Variants in DISC1 observed in about 807,000 individuals in gnomAD.
DISC1 encodes the protein DISC1 scaffold protein.
A neutral mutation model predicts 84.5 loss-of-function variants in DISC1; 57 were observed. The ratio of observed to expected loss-of-function variants is 0.67; its 90% CI spans 0.55 to 0.84. The LOEUF is 0.84. DISC1 is among the 40% of genes least tolerant of loss of function. DISC1 has a pLI of 0.00. For missense variants in DISC1, 1,000 were observed against 1,057.8 expected (o/e 0.95, Z 0.76); for synonymous variants, 411 against 415.2 (o/e 0.99, Z 0.12).
In DISC1 at chr1:232,012,044, G is replaced by A. The variant is rs189769046; in HGVS notation, c.2307+2995G>A. On this transcript the variant is annotated intron_variant, in intron 11 of 12. Transcript: ENST00000439617. ...AGATTTAAATAAAAGGATGCATCAC[G>A]AAGTGAGAGACGCATACCTAGTAGA... Among the ~76,000 whole-genome samples the A allele has an allele frequency of 2.0e-3, 299 of 152,306 alleles. 1 individual carries two copies. The highest frequency in any genetic ancestry group is 2.4e-3 in the Non-Finnish European group (163 of 68,032).
intron 6 of DISC1, among the ~76,000 whole-genome samples, chr1:231,785,451 T>TGTA (rs2077777467): frequency 6.6e-6 from 1 of 151,576 alleles, no homozygotes; most frequent in African/African-American, 2.4e-5. Flanking sequence ...GGCTAATTTT[T>TGTA]GTATTATTAT....
At chr1:231,890,525 T>C (rs1199206907) in intron 9 of DISC1, among the ~76,000 whole-genome samples, 1 of 152,188 alleles carries the variant, frequency 6.6e-6, no homozygotes, top group Non-Finnish European at 1.5e-5. Context: ...AATAGTCAAA[T>C]ACATAGAAAC....
chr1:231,861,400 G>A lies in DISC1; in HGVS notation c.1981+42883G>A, dbSNP rs892589448. ...CCCCACCTTGGCCTCCCAACGTGCT[G>A]AGATTACAGGAGTGAGCCACCGCAC... is the stretch of plus-strand genomic sequence containing the variant. On this transcript the variant is annotated intron_variant, in intron 9 of 12. Transcript: ENST00000439617. Among the ~76,000 whole-genome samples the A allele has an allele frequency of 3.3e-5, 5 of 150,256 alleles. 1 individual carries two copies. The highest frequency in any genetic ancestry group is 1.2e-4 in the African/African-American group (5 of 40,846).
chr1:231,792,154 G>A (rs2078399347), intron 6 of DISC1, among the ~76,000 whole-genome samples: 1 of 152,252 alleles, frequency 6.6e-6, no homozygotes, highest in East Asian at 1.9e-4. Context: ...AATTGGGAAG[G>A]CAAATCTGTT....
chr1:231,998,196 A>G (rs909260910), intron 10 of DISC1, among the ~76,000 whole-genome samples: 25 of 152,242 alleles, frequency 1.6e-4, no homozygotes, highest in African/African-American at 5.5e-4. Context: ...AGAAATTCTC[A>G]GAGGACACCA....
intron 10 of DISC1, among the ~76,000 whole-genome samples, chr1:232,006,155 G>A (rs202087606): frequency 6.6e-6 from 1 of 152,042 alleles, no homozygotes; most frequent in Non-Finnish European, 1.5e-5. Context: ...TTTACATTGC[G>A]TGCTGGGCAT....
At position 231,661,706 on chromosome 1, in the gene DISC1, T is replaced by C. The variant is rs562182994; in HGVS notation, c.68-32120T>C. 1.5e-3 allele frequency among the ~76,000 whole-genome samples: 225 copies of C among 152,332 alleles called. 1 individual carries two copies. Among genetic ancestry groups the C allele is most frequent in the Non-Finnish European group, 2.3e-3 (159 of 68,014 alleles). The stretch of plus-strand genomic sequence containing the variant: ...GTTACAACATGCTCCTTTTACTCAG[T>C]GAAGTTTGTTATTACCCACCTTCTG... On this transcript the variant is annotated intron_variant, in intron 1 of 12. Transcript: ENST00000439617.
chr1:231,722,522 C>G (rs1347438539), intron 3 of DISC1: 1 of 1,614,118 alleles, frequency 6.2e-7, no homozygotes, highest in Non-Finnish European at 8.5e-7. Flanking sequence ...CAGAGGTATT[C>G]ATTTTCTTCT....
rs564555956 is a variant in DISC1, at chr1:231,649,282, A to T, written c.67+22348A>T. Among the ~76,000 whole-genome samples, 44 of 152,312 alleles carry T rather than the reference A, an allele frequency of 2.9e-4. No individual in the cohort carries two copies. In the South Asian group the frequency reaches 3.5e-3, roughly 12 times the overall value. On this transcript the variant is annotated intron_variant, in intron 1 of 12. Coordinates refer to ENST00000439617, the MANE Select transcript of DISC1 (RefSeq NM_018662.3). Reference sequence around the variant, plus strand: ...TCTTTGTTCGCATTAGTTTCGAAGAACACCTTTATTTCTGCCTTCATTTTG... The same window carrying T: ...TCTTTGTTCGCATTAGTTTCGAAGATCACCTTTATTTCTGCCTTCATTTTG...
Position 232,008,916 on chromosome 1 carries a change from TAGAG to T in DISC1, c.2175_2178del (p.Gly727LeufsTer19), listed in dbSNP as rs1344073712. The T allele has an allele frequency of 6.2e-6, 10 of 1,613,728 alleles. No homozygotes were observed. Among genetic ancestry groups the T allele is most frequent in the Non-Finnish European group, 8.5e-6 (10 of 1,179,806 alleles). ...GAAGATGAGAGGCAGATGGATGACTTAGAGGGAGCTGCTCCTCCTATTCCCCCCA... is the reference window on the plus strand; with the variant it reads ...GAAGATGAGAGGCAGATGGATGACTTGGAGCTGCTCCTCCTATTCCCCCCA... On this transcript the variant is annotated frameshift_variant, in exon 11 of 13. Coordinates refer to ENST00000439617, the MANE Select transcript of DISC1 (RefSeq NM_018662.3). LOFTEE classifies it high-confidence loss of function.
At chr1:231,839,036 T>C (rs1436797709) in intron 9 of DISC1, among the ~76,000 whole-genome samples, 1 of 151,980 alleles carries the variant, frequency 6.6e-6, no homozygotes, top group Non-Finnish European at 1.5e-5. Flanking sequence ...CAATAAACAA[T>C]AGGTATCAAG....
At chr1:231,742,086 A>G (rs1016984463) in intron 3 of DISC1, among the ~76,000 whole-genome samples, 4 of 152,176 alleles carry the variant, frequency 2.6e-5, no homozygotes, top group Admixed American at 2.0e-4. Flanking sequence ...ACAATGGCCT[A>G]TGTGGCTCTG....
chr1:231,658,080 A>G (rs1307222366), intron 1 of DISC1, among the ~76,000 whole-genome samples: 1 of 152,092 alleles, frequency 6.6e-6, no homozygotes, highest in Non-Finnish European at 1.5e-5. Context: ...CAGTATGGCT[A>G]TTTTCATGAT....
chr1:231,724,682 C>A (rs113215212), intron 3 of DISC1, among the ~76,000 whole-genome samples: 268 of 152,266 alleles, frequency 1.8e-3, no homozygotes, highest in African/African-American at 6.3e-3. Context: ...CAATAGGAGA[C>A]CTGGCTTCAG....
chr1:231,809,524 G>GA (rs10692560), intron 8 of DISC1, among the ~76,000 whole-genome samples: 14,307 of 123,638 alleles, frequency 0.12, 1,089 homozygotes, highest in East Asian at 0.41. Context: ...TTTTTTTTTT[G>GA]AAAAAAAAAA....
chr1:231,948,461 G>C (rs1043382991), intron 9 of DISC1, among the ~76,000 whole-genome samples: 1 of 152,110 alleles, frequency 6.6e-6, no homozygotes, highest in Non-Finnish European at 1.5e-5. Context: ...GTCGGGTGGT[G>C]GGGGGCTCGG....
intron 12 of DISC1, among the ~76,000 whole-genome samples, chr1:232,029,135 T>C (rs1186783485): frequency 2.0e-5 from 3 of 152,234 alleles, no homozygotes; most frequent in Non-Finnish European, 4.4e-5. Flanking sequence ...TGTTATGTTT[T>C]TTGAGAATTT....
At chr1:231,749,232 G>A (rs74924025) in intron 3 of DISC1, among the ~76,000 whole-genome samples, 1 of 151,964 alleles carries the variant, frequency 6.6e-6, no homozygotes, top group Non-Finnish European at 1.5e-5. Context: ...CTTTTTTTTG[G>A]TGGGGGTAGG....
At chr1:231,696,334 C>T (rs1013078988) in intron 2 of DISC1, among the ~76,000 whole-genome samples, 1 of 152,236 alleles carries the variant, frequency 6.6e-6, no homozygotes, top group East Asian at 1.9e-4. Context: ...GTGCTTCAGA[C>T]AGGGCCTGGC....
Sources: gnomAD v4.1 joint callset for allele counts (sites outside exome capture counted in the v4.1 genomes callset) on GRCh38, gnomAD v4.1.1 for gene constraint, MANE v1.5 for transcripts, NCBI Gene and HGNC (gene_info 2026-07-23, HGNC 2026-07-21) for gene names.